CELF2: variants seen among roughly 807,000 people sequenced by gnomAD.
CELF2 encodes the protein CUG triplet repeat RNA-binding protein 2.
Under a neutral mutation model 62.6 loss-of-function variants are expected in CELF2, and 8 were observed. The ratio of observed to expected loss-of-function variants is 0.13; its 90% CI spans 0.07 to 0.23. The LOEUF is 0.23. Ranked by LOEUF, CELF2 falls within the 10% of genes least tolerant of loss-of-function variation. The pLI is 1.00. For synonymous variants in CELF2, 258 were observed against 250.0 expected, an observed-to-expected ratio of 1.03 and a Z score of -0.30; for missense variants, 333 against 671.0, an observed-to-expected ratio of 0.50 and a Z score of 5.56.
In CELF2 at chr10:11,285,826, GGTGTGTGTGT is replaced by G. The variant is rs71378788; in HGVS notation, c.842-2549_842-2540del. 0.44 allele frequency among the ~76,000 whole-genome samples: 56,835 copies of G among 128,440 alleles called. 12,490 individuals are homozygous for G. Among genetic ancestry groups the G allele is most frequent in the Non-Finnish European group, 0.53 (32,736 of 61,386 alleles). 84.3% of individuals were successfully genotyped at this position (128,440 alleles called of 152,430 possible). A position where few individuals can be genotyped will look rare whatever the true frequency, so the allele number is the denominator to read the frequency against. On this transcript the variant is annotated intron_variant, in intron 8 of 12. Transcript: ENST00000633077. The surrounding 1 kb of genome is among the most constrained non-coding windows in gnomAD (Gnocchi z 4.3). Reference sequence around the variant, plus strand: ...TTGCTCATCACCTACTATATATATTGGTGTGTGTGTGTGTGTGTGTGTGTGTGTGTGTGTG... The same window carrying G: ...TTGCTCATCACCTACTATATATATTGGTGTGTGTGTGTGTGTGTGTGTGTG...
intron 10 of CELF2, among the ~76,000 whole-genome samples, chr10:11,320,146 C>T (rs1309371941): frequency 1.3e-5 from 2 of 152,218 alleles, no homozygotes; most frequent in African/African-American, 2.4e-5. Context: ...GATGTCACCT[C>T]TTCCGTTTCC....
At chr10:10,520,489 C>T in the CELF2 span, among the ~76,000 whole-genome samples, 1 of 152,126 alleles carries the variant, frequency 6.6e-6, no homozygotes, top group African/African-American at 2.4e-5. Flanking sequence ...AGCATGTCCT[C>T]GAGCTTCTAC....
chr10:10,697,924 C>T, the CELF2 span, among the ~76,000 whole-genome samples: 1 of 152,176 alleles, frequency 6.6e-6, no homozygotes, highest in Non-Finnish European at 1.5e-5. Context: ...TCCTGAGTAG[C>T]TGGGATTACA....
intron 2 of CELF2, among the ~76,000 whole-genome samples, chr10:11,201,844 A>T (rs2059287291): frequency 6.6e-6 from 1 of 152,182 alleles, no homozygotes; most frequent in Non-Finnish European, 1.5e-5. Flanking sequence ...CTTCAGGAAC[A>T]TTTGGGAAAT....
the CELF2 span, among the ~76,000 whole-genome samples, chr10:10,768,037 G>A: frequency 6.9e-6 from 1 of 145,228 alleles, no homozygotes; most frequent in African/African-American, 2.6e-5. Context: ...GTGGTGACGG[G>A]CGCCTGTAGT....
intron 2 of CELF2, among the ~76,000 whole-genome samples, chr10:10,973,729 G>A (rs1286261706): frequency 2.0e-5 from 3 of 152,106 alleles, no homozygotes. Context: ...ACCACACCTG[G>A]CTAATTTTTT....
chr10:10,602,467 GC>G, the CELF2 span, among the ~76,000 whole-genome samples: 8 of 143,866 alleles, frequency 5.6e-5, no homozygotes, highest in East Asian at 1.4e-3. Context: ...GAACTGAATT[GC>G]CTGGAGTAGT....
At chr10:10,875,871 CT>C (rs1409511846) in intron 1 of CELF2, among the ~76,000 whole-genome samples, 2 of 152,216 alleles carry the variant, frequency 1.3e-5, no homozygotes, top group Non-Finnish European at 2.9e-5. Context: ...ACATAAAATG[CT>C]GCCTTTTCGC....
At chr10:11,295,534 G>C (rs1423606400) in intron 9 of CELF2, among the ~76,000 whole-genome samples, 1 of 152,186 alleles carries the variant, frequency 6.6e-6, no homozygotes, top group African/African-American at 2.4e-5. Context: ...CCTCTCCTTT[G>C]AGCTGTACCA....
At chr10:11,184,617 C>T (rs2074339311) in intron 2 of CELF2, among the ~76,000 whole-genome samples, 1 of 152,198 alleles carries the variant, frequency 6.6e-6, no homozygotes, top group Non-Finnish European at 1.5e-5. Flanking sequence ...CCTTGCATAT[C>T]CCTAGTCAGA....
At chr10:10,978,024 G>GTTTTTTTT (rs1310804718) in intron 2 of CELF2, among the ~76,000 whole-genome samples, 1 of 141,890 alleles carries the variant, frequency 7.0e-6, no homozygotes, top group South Asian at 2.3e-4. Flanking sequence ...TTGGGTTTGG[G>GTTTTTTTT]TTTTTTTTTG....
intron 1 of CELF2, among the ~76,000 whole-genome samples, chr10:10,808,977 T>C (rs765723155): frequency 5.3e-5 from 8 of 152,194 alleles, no homozygotes; most frequent in Admixed American, 1.3e-4. Flanking sequence ...GTCTTGACAT[T>C]TACTGTGAAC....
intron 1 of CELF2, among the ~76,000 whole-genome samples, chr10:10,904,260 T>G (rs1017889754): frequency 9.5e-5 from 8 of 84,180 alleles, no homozygotes; most frequent in African/African-American, 3.4e-4. Context: ...AGGGTCTCCT[T>G]CTGTCACCCA....
At chr10:10,946,542 C>T (rs906549138) in intron 2 of CELF2, 15 of 152,522 alleles carry the variant, frequency 9.8e-5, no homozygotes, top group Non-Finnish European at 1.3e-4. Context: ...TAATCTTGGC[C>T]TCTCAGTAGA....
chr10:11,095,687 T>A (rs997914444), intron 1 of CELF2, among the ~76,000 whole-genome samples: 5 of 152,154 alleles, frequency 3.3e-5, no homozygotes, highest in African/African-American at 7.2e-5. Flanking sequence ...AATTTTTGTT[T>A]CGCAACCAGA....
At chr10:10,471,461 G>A in the CELF2 span, among the ~76,000 whole-genome samples, 2 of 151,626 alleles carry the variant, frequency 1.3e-5, no homozygotes, top group Non-Finnish European at 1.5e-5. Context: ...TTATACTGCT[G>A]TGTTGACCAT....
the CELF2 span, among the ~76,000 whole-genome samples, chr10:10,524,818 G>A: frequency 2.6e-5 from 4 of 152,052 alleles, no homozygotes; most frequent in African/African-American, 9.7e-5. Context: ...AATATAGCAC[G>A]TGTATTTCTG....
chr10:11,124,669 TGC>T (rs1351358487), intron 1 of CELF2, among the ~76,000 whole-genome samples: 9 of 152,214 alleles, frequency 5.9e-5, no homozygotes, highest in African/African-American at 2.2e-4. Flanking sequence ...ACCTACCATG[TGC>T]CAGGCACTGC....
At chr10:10,615,023 T>G in the CELF2 span, among the ~76,000 whole-genome samples, 1 of 152,022 alleles carries the variant, frequency 6.6e-6, no homozygotes, top group African/African-American at 2.4e-5. Context: ...AAAGGTACAG[T>G]TTGGTCGGTC....
Sources: allele counts gnomAD v4.1 joint callset (sites outside exome capture counted in the v4.1 genomes callset), GRCh38; gene constraint gnomAD v4.1.1; non-coding constraint Gnocchi (gnomAD v3.1); transcripts MANE v1.5; gene names NCBI Gene and HGNC (gene_info 2026-07-23, HGNC 2026-07-21).